Variants in TONSL observed in about 807,000 individuals in gnomAD.
TONSL encodes tonsoku-like protein.
A neutral mutation model predicts 147.1 loss-of-function variants in TONSL; 112 were observed. The ratio of observed to expected loss-of-function variants is 0.76; its 90% confidence interval spans 0.65 to 0.89. The LOEUF is 0.89. Among genes scored for constraint, TONSL ranks in the 40% least tolerant of loss-of-function variants. The pLI is 0.00. For missense variants in TONSL, 1,883 were observed against 1,864.6 expected (o/e 1.01, Z -0.18); for synonymous variants, 868 against 801.5 (o/e 1.08, Z -1.40).
chr8:144,441,470 T>C (rs1823716249), intron 7 of TONSL: 1 of 227,186 alleles, frequency 4.4e-6, no homozygotes, highest in South Asian at 6.7e-5. Context: ...CGGGCACCTG[T>C]AGTCCCAGCT....
intron 25 of TONSL, 36 bp downstream of exon 25, chr8:144,430,368 G>T: frequency 6.5e-7 from 1 of 1,536,732 alleles, no homozygotes; most frequent in South Asian, 1.2e-5. Context: ...TGAAAAGGCC[G>T]AACATGGCAG....
intron 23 of TONSL, 90 bp downstream of exon 23, chr8:144,432,195 G>A (rs1019995121): frequency 2.0e-5 from 28 of 1,416,982 alleles, no homozygotes; most frequent in African/African-American, 1.4e-4. Context: ...AGTTCAGCCC[G>A]AATCTGGGGA....
chr8:144,434,370 G>T, intron 20 of TONSL, 91 bp from the exon 21 acceptor site: 2 of 1,131,392 alleles, frequency 1.8e-6, no homozygotes, highest in South Asian at 1.7e-5. Flanking sequence ...CTTTTCAACA[G>T]CCCCAGGGGT....
chr8:144,439,920 C>G, intron 11 of TONSL, 101 bp downstream of exon 11: 1 of 649,766 alleles, frequency 1.5e-6, no homozygotes, highest in African/African-American at 1.8e-5. Context: ...TGTGGCTGTT[C>G]CTGCTACAGC....
At position 144,442,378 on chromosome 8, in the gene TONSL, G is replaced by A. The variant is rs754112199; in HGVS notation, c.613C>T (p.Arg205Cys). Residue 205 changes from arginine to cysteine, a missense_variant, in exon 6 of 26, where the codon CGC (arginine) becomes TGC (cysteine). By Grantham distance (180) the Arg-to-Cys change is radical. Coordinates refer to ENST00000409379, the MANE Select transcript of TONSL (RefSeq NM_013432.5). Reference sequence around the variant, plus strand: ...CAGTGGATGGTGCCCAGGTTGTAGCGGGCGCGGAATAGGTCCTCGTAAAGG... The same window carrying A: ...CAGTGGATGGTGCCCAGGTTGTAGCAGGCGCGGAATAGGTCCTCGTAAAGG... ...NHLYEDLFRA[R>C]YNLGTIHWRA... is the part of the protein sequence containing the mutation. The A allele has an allele frequency of 7.0e-6, 11 of 1,575,584 alleles. No individual in the cohort carries two copies. The highest frequency in any genetic ancestry group is 3.5e-5 in the Admixed American group (2 of 56,794).
chr8:144,438,339 T>C, intron 13 of TONSL, 132 bp downstream of exon 13: 1 of 839,470 alleles, frequency 1.2e-6, no homozygotes, highest in South Asian at 1.6e-5. Context: ...CACAGGCAAG[T>C]GCCACCATGC....
At position 144,437,069 on chromosome 8, in the gene TONSL, C is replaced by A; in HGVS notation, c.1684G>T (p.Gly562Cys). ...GHPLNPRDYCGWTPLHEACNY... is the reference protein window; with the variant it reads ...GHPLNPRDYCCWTPLHEACNY... The stretch of plus-strand genomic sequence containing the variant: ...CAGGCCTCGTGCAGAGGTGTCCAGC[C>A]ACAGTAGTCCCGAGGGTTAAGGGGG... The change falls in exon 14 of 26, where the codon GGC becomes TGC. Residue 562 changes from glycine (G) to cysteine (C), a missense_variant. By Grantham distance (159) the Gly-to-Cys change is radical. Transcript: ENST00000409379. The A allele has an allele frequency of 6.2e-7, 1 of 1,613,246 alleles. No individual in the cohort carries two copies. The highest frequency in any genetic ancestry group is 8.5e-7 in the Non-Finnish European group (1 of 1,180,006).
intron 4 of TONSL, 165 bp downstream of exon 4, chr8:144,442,973 G>C: frequency 8.2e-7 from 1 of 1,221,100 alleles, no homozygotes; most frequent in Non-Finnish European, 1.1e-6. Flanking sequence ...AAGAGCTGAC[G>C]ATCTCCAGGG....
In TONSL at chr8:144,440,765, G is replaced by A. The variant is rs138497670; in HGVS notation, c.1117C>T (p.Arg373Cys). 2.8e-5 allele frequency: 45 copies of A among 1,612,738 alleles called. No homozygotes were observed. Among genetic ancestry groups the A allele is most frequent in the South Asian group, 5.5e-5 (5 of 91,088 alleles). ...GDMKDHHGAVRHYEEELRLRS... is the reference protein window; with the variant it reads ...GDMKDHHGAVCHYEEELRLRS... ...AGCCTCAGTTCCTCCTCATAGTGGC[G>A]CACGGCCCCATGGTGGTCCTTCATG... The change falls in exon 9 of 26, where the codon CGC becomes TGC. Residue 373 changes from arginine to cysteine, a missense_variant. Coordinates refer to ENST00000409379, the MANE Select transcript of TONSL (RefSeq NM_013432.5).
chr8:144,437,495 G>C (rs1464655422), intron 13 of TONSL, among the ~76,000 whole-genome samples: 1 of 151,132 alleles, frequency 6.6e-6, no homozygotes, highest in East Asian at 1.9e-4. Context: ...TTTTTTTTGA[G>C]ACCAGCCAGG....
chr8:144,440,154 G>A lies in TONSL; in HGVS notation c.1347C>T (p.Ala449=), dbSNP rs1823653982. ...TVQLRLQPQE[A]PETETRLREL... is the part of the protein sequence containing the mutation. ...CCCGTAGTCTGGTTTCGGTCTCAGG[G>A]GCCTCCTGGGGCTGCAGCCTCAGCT... The change falls in exon 11 of 26, where the codon GCC becomes GCT. Residue 449 remains alanine (A), a synonymous_variant. Transcript: ENST00000409379. The A allele has an allele frequency of 6.2e-7, 1 of 1,611,094 alleles. No individual in the cohort carries two copies. The highest frequency in any genetic ancestry group is 1.1e-5 in the South Asian group (1 of 90,964).
At chr8:144,435,425 G>A in intron 18 of TONSL, 49 bp downstream of exon 18, 1 of 1,444,050 alleles carries the variant, frequency 6.9e-7, no homozygotes, top group Non-Finnish European at 9.3e-7. Context: ...GAGCACCCTG[G>A]CATGGAGCTG....
rs1245307931 is a variant in TONSL, at chr8:144,434,247, G to T, written c.3118C>A (p.Leu1040Ile). 2 of 1,527,174 alleles carry T rather than the reference G, an allele frequency of 1.3e-6. No homozygotes were observed. Among genetic ancestry groups the T allele is most frequent in the African/African-American group, 1.4e-5 (1 of 72,380 alleles). The allele number at this position is 1,527,174 out of a possible 1,614,324, so 94.6% of individuals were successfully genotyped here. ...EHQQVLQAVELQGLGLSFSAC... is the reference protein window; with the variant it reads ...EHQQVLQAVEIQGLGLSFSAC... ...CTGAACGAGAGGCCCAAGCCCTGGA[G>T]CTCCACGGCCTGCAGCACCTGTTGG... The change falls in exon 21 of 26, where the codon CTC becomes ATC. Residue 1040 changes from leucine (L) to isoleucine (I), a missense_variant. Transcript: ENST00000409379.
In TONSL at chr8:144,440,428, C is replaced by T. The variant is rs933904130; in HGVS notation, c.1213G>A (p.Asp405Asn). The T allele has an allele frequency of 1.1e-5, 18 of 1,608,670 alleles. No homozygotes were observed. The highest frequency in any genetic ancestry group is 5.0e-5 in the Admixed American group (3 of 59,870). The change falls in exon 10 of 26, where the codon GAT becomes AAT. Residue 405 changes from aspartate to asparagine, a missense_variant. By Grantham distance (23) the Asp-to-Asn change is conservative. Transcript: ENST00000409379. ...CACGGGGCCAGCAGCTCGTAGGCAT[C>T]GCCGGCCTCCTCGCGGGACAGTGCA... ...NIALSREEAGDAYELLAPCFQ... is the reference protein window; with the variant it reads ...NIALSREEAGNAYELLAPCFQ...
chr8:144,440,078 C>T lies in TONSL; in HGVS notation c.1423G>A (p.Ala475Thr). The T allele has an allele frequency of 1.3e-6, 2 of 1,593,518 alleles. No homozygotes were observed. Among genetic ancestry groups the T allele is most frequent in the Non-Finnish European group, 1.7e-6 (2 of 1,164,012 alleles). ...AGGGCTTCGCTCTCCGCTGTGGCTG[C>T]CGCCTCCTCCGCCTCCTCCTCCTCA... ...EDEEEEAEEA[A>T]ATAESEALEA... The change falls in exon 11 of 26, where the codon GCA becomes ACA. Residue 475 changes from alanine to threonine, a missense_variant. By Grantham distance (58) the Ala-to-Thr change is moderately conservative. Coordinates refer to ENST00000409379, the MANE Select transcript of TONSL (RefSeq NM_013432.5).
In TONSL at chr8:144,432,420, G is replaced by A. The variant is rs782053827; in HGVS notation, c.3600C>T (p.Ala1200=). The A allele has an allele frequency of 1.3e-6, 2 of 1,584,300 alleles. No individual in the cohort carries two copies. The highest frequency in any genetic ancestry group is 1.9e-5 in the Admixed American group (1 of 53,360). ...TCCTGGCCAGGGCAGGGGCTCCCAG[G>A]GCGTTGTAGGACAGGGACAGGGTCT... ...HLKTLSLSYN[A]LGAPALARTL... is the part of the protein sequence containing the mutation. The change falls in exon 23 of 26, where the codon GCC becomes GCT. Residue 1200 remains alanine (A), a synonymous_variant. Transcript: ENST00000409379.
chr8:144,443,846 G>A, intron 3 of TONSL, 36 bp downstream of exon 3: 4 of 1,540,080 alleles, frequency 2.6e-6, no homozygotes, highest in Admixed American at 2.0e-5. Context: ...TCCAGAGGCC[G>A]ACCGGGCTGG....
chr8:144,437,295 C>T (rs1823504991), intron 13 of TONSL, among the ~76,000 whole-genome samples, 196 bp from the exon 14 acceptor site: 1 of 152,240 alleles, frequency 6.6e-6, no homozygotes, highest in South Asian at 2.1e-4. Flanking sequence ...GGTGGACCAG[C>T]CACAGCATAT....
intron 11 of TONSL, among the ~76,000 whole-genome samples, chr8:144,439,175 C>T (rs570211971): frequency 4.0e-4 from 61 of 152,172 alleles, no homozygotes; most frequent in African/African-American, 1.4e-3. Context: ...GGGTATCCTG[C>T]ACCTTGCAGC....
Sources: gnomAD v4.1 joint callset for allele counts (sites outside exome capture counted in the v4.1 genomes callset) on GRCh38, gnomAD v4.1.1 for gene constraint, MANE v1.5 for transcripts, NCBI Gene and HGNC (gene_info 2026-07-23, HGNC 2026-07-21) for gene names.